Variants in FA2H observed in about 807,000 individuals in gnomAD.
The protein encoded by FA2H is fatty acid 2-hydroxylase.
Under a neutral mutation model 44.9 loss-of-function variants are expected in FA2H, and 22 were observed. The ratio of observed to expected loss-of-function variants is 0.49; its 90% CI spans 0.35 to 0.70. The LOEUF (loss-of-function observed/expected upper bound fraction) is 0.70. FA2H is among the 30% of genes least tolerant of loss of function. The probability of loss-of-function intolerance (pLI) is 0.01; values close to 1 mark genes in which losing one functional copy is unlikely to be tolerated. For synonymous variants in FA2H, 243 were observed against 213.2 expected (o/e 1.14, Z -1.22); for missense variants, 501 against 504.9 (o/e 0.99, Z 0.07).
chr16:74,774,054 G>T (rs1436195243), intron 1 of FA2H, among the ~76,000 whole-genome samples: 3 of 152,106 alleles, frequency 2.0e-5, no homozygotes, highest in African/African-American at 4.8e-5. Context: ...GGGGAGGTGG[G>T]AACAGGTTGA....
chr16:74,731,243 C>T (rs759672619), intron 2 of FA2H, among the ~76,000 whole-genome samples: 6 of 147,266 alleles, frequency 4.1e-5, no homozygotes, highest in African/African-American at 7.6e-5. Context: ...AAGCGATTCT[C>T]GCTGCCTCAG....
chr16:74,718,922 C>CGGCT, intron 5 of FA2H, 66 bp downstream of exon 5: 1 of 1,576,870 alleles, frequency 6.3e-7, no homozygotes. Context: ...CCTGAAGCTG[C>CGGCT]GGCTGGCTGC....
intron 4 of FA2H, among the ~76,000 whole-genome samples, chr16:74,719,727 TA>T (rs766040683): frequency 5.3e-5 from 8 of 152,162 alleles, no homozygotes; most frequent in African/African-American, 1.7e-4. Flanking sequence ...TTTTTATTTT[TA>T]TTTTTTTTGT....
intron 4 of FA2H, among the ~76,000 whole-genome samples, chr16:74,724,664 T>A (rs1437043362): frequency 6.6e-6 from 1 of 152,146 alleles, no homozygotes; most frequent in Non-Finnish European, 1.5e-5. Context: ...AGACGTTATC[T>A]CTCATGCCCC....
chr16:74,753,169 T>C (rs934045276), intron 1 of FA2H, among the ~76,000 whole-genome samples: 19 of 152,076 alleles, frequency 1.2e-4, no homozygotes, highest in African/African-American at 4.6e-4. Context: ...AGGCAGGGCG[T>C]GAGGAACACA....
rs201126702 is a variant in FA2H at position 74,719,041 on chromosome 16, C to T, written c.733G>A (p.Asp245Asn). The T allele has an allele frequency of 6.3e-5, 101 of 1,613,984 alleles. No individual in the cohort carries two copies. Among genetic ancestry groups the T allele is most frequent in the Non-Finnish European group, 7.8e-5 (92 of 1,180,014 alleles). ...TGCAGCATGATGAGGTAATAGCTGT[C>T]GCTGGGGGGCTTCATGTGGAACAGG... ...RFLFHMKPPSDSYYLIMLHFV... is the reference protein window; with the variant it reads ...RFLFHMKPPSNSYYLIMLHFV... Residue 245 changes from aspartate to asparagine, a missense_variant, in exon 5 of 7, where the codon GAC becomes AAC. Physicochemically the swap from Asp to Asn is conservative, Grantham distance 23 (BLOSUM62 1). Transcript: ENST00000219368.
At chr16:74,715,840 G>C (rs754512017) in intron 6 of FA2H, among the ~76,000 whole-genome samples, 10 of 144,446 alleles carry the variant, frequency 6.9e-5, no homozygotes, top group Non-Finnish European at 1.2e-4. Context: ...TTTATAGACA[G>C]AGCCTTGCTC....
chr16:74,734,422 C>G (rs374572970), intron 2 of FA2H, among the ~76,000 whole-genome samples: 1 of 152,228 alleles, frequency 6.6e-6, no homozygotes, highest in Non-Finnish European at 1.5e-5. Context: ...TTCAAAGACC[C>G]GACCAACGGG....
chr16:74,715,880 A>C lies in FA2H; in HGVS notation c.1039+467T>G, dbSNP rs1016041754. ...GCCCAGGCTGGAGTGCAGTGGTGCA[A>C]TCTTAGCTCACTGTAGCTTCTGCCT... On this transcript the variant is annotated intron_variant, in intron 6 of 6. Coordinates refer to ENST00000219368, the MANE Select transcript of FA2H (RefSeq NM_024306.5). Among the ~76,000 whole-genome samples the C allele has an allele frequency of 3.3e-5, 5 of 150,714 alleles. No individual in the cohort carries two copies. The South Asian group carries it at 1.0e-3, about 32-fold the overall frequency.
chr16:74,722,441 CA>C (rs1326179357), intron 4 of FA2H, among the ~76,000 whole-genome samples: 2 of 152,092 alleles, frequency 1.3e-5, no homozygotes, highest in Non-Finnish European at 2.9e-5. Context: ...GAGGCTGAGG[CA>C]GGGGGATCAC....
At chr16:74,744,135 G>A (rs949509387) in intron 1 of FA2H, among the ~76,000 whole-genome samples, 1 of 152,122 alleles carries the variant, frequency 6.6e-6, no homozygotes, top group African/African-American at 2.4e-5. Flanking sequence ...GTTGATCTGG[G>A]CCACGTTTTC....
At chr16:74,770,338 C>G (rs563110782) in intron 1 of FA2H, among the ~76,000 whole-genome samples, 2 of 152,330 alleles carry the variant, frequency 1.3e-5, no homozygotes, top group East Asian at 1.9e-4. Flanking sequence ...ATATCCCACC[C>G]CCAGATTTCT....
At chr16:74,755,038 C>A (rs551222668) in intron 1 of FA2H, among the ~76,000 whole-genome samples, 5 of 152,294 alleles carry the variant, frequency 3.3e-5, no homozygotes, top group East Asian at 3.9e-4. Context: ...CAGCAGCCCC[C>A]CTAGAAGCCC....
chr16:74,720,278 C>T (rs1173128600), intron 4 of FA2H, among the ~76,000 whole-genome samples: 1 of 144,160 alleles, frequency 6.9e-6, no homozygotes, highest in Non-Finnish European at 1.5e-5. Flanking sequence ...TCACTGCAAC[C>T]TCCACCTCCC....
chr16:74,763,382 C>A (rs185721803), intron 1 of FA2H, among the ~76,000 whole-genome samples: 6 of 152,028 alleles, frequency 3.9e-5, no homozygotes, highest in Non-Finnish European at 5.9e-5. Flanking sequence ...CTCAGCCTTC[C>A]GAGTAACTGG....
chr16:74,725,110 G>A (rs1194111838), intron 4 of FA2H, among the ~76,000 whole-genome samples: 4 of 152,224 alleles, frequency 2.6e-5, no homozygotes, highest in African/African-American at 9.6e-5. Flanking sequence ...ACCATGGCTC[G>A]AGGGATGCCT....
chr16:74,765,251 G>A (rs1962789174), intron 1 of FA2H, among the ~76,000 whole-genome samples: 1 of 151,970 alleles, frequency 6.6e-6, no homozygotes, highest in African/African-American at 2.4e-5. Context: ...CCGCCTCCTG[G>A]GTTCAAGCGA....
chr16:74,717,981 C>T (rs951807188), intron 5 of FA2H, among the ~76,000 whole-genome samples: 3 of 152,180 alleles, frequency 2.0e-5, no homozygotes, highest in African/African-American at 7.2e-5. Flanking sequence ...GGCTGCGCTA[C>T]CTCTGAGAGC....
At chr16:74,723,890 A>G (rs1255382070) in intron 4 of FA2H, among the ~76,000 whole-genome samples, 1 of 151,892 alleles carries the variant, frequency 6.6e-6, no homozygotes, top group Admixed American at 6.6e-5. Context: ...TGTATTATAT[A>G]ATAATATTAA....
Sources: gnomAD v4.1 joint callset for allele counts (sites outside exome capture counted in the v4.1 genomes callset) on GRCh38, gnomAD v4.1.1 for gene constraint, MANE v1.5 for transcripts, NCBI Gene and HGNC (gene_info 2026-07-23, HGNC 2026-07-21) for gene names.